The following SYT14 variants were observed in gnomAD, a reference collection of about 807,000 sequenced individuals.
SYT14 encodes synaptotagmin-14.
In SYT14, 32 loss-of-function variants were observed where a neutral mutation model predicts 74.2. That is an observed-to-expected ratio of 0.43 (90% CI 0.33 to 0.58). The LOEUF (loss-of-function observed/expected upper bound fraction) is 0.58. SYT14 is among the 20% of genes least tolerant of loss of function. SYT14 has a pLI of 0.05. For missense variants in SYT14, 791 were observed against 981.8 expected (o/e 0.81, Z 2.60); for synonymous variants, 298 against 337.7 (o/e 0.88, Z 1.29).
intron 7 of SYT14, among the ~76,000 whole-genome samples, chr1:210,119,927 C>T (rs537506022): frequency 2.0e-5 from 3 of 152,216 alleles, no homozygotes; most frequent in South Asian, 2.1e-4. Context: ...ATATTAGTTG[C>T]GTCTCTGAGA....
At chr1:210,170,360 T>C (rs958759164) in exon 10 of SYT14, 3 of 152,138 alleles carry the variant, frequency 2.0e-5, no homozygotes, top group Admixed American at 2.0e-4. Flanking sequence ...GAAAATGTGC[T>C]GTGTGTTGCA....
chr1:210,169,212 GTTTTTGGTGTTTT>G, exon 10 of SYT14: 1 of 50,780 alleles, frequency 2.0e-5, no homozygotes, highest in Non-Finnish European at 4.6e-5. Flanking sequence ...TGGTTTTTAT[GTTTTTGGTGTTTT>G]TTTTTTTTTT....
chr1:210,135,555 C>T (rs1451261669), intron 7 of SYT14, among the ~76,000 whole-genome samples: 1 of 152,140 alleles, frequency 6.6e-6, no homozygotes, highest in African/African-American at 2.4e-5. Context: ...CAAATTCTAT[C>T]ATCTGTTTAG....
chr1:209,956,315 TTC>T lies in SYT14; in HGVS notation c.-486+3565_-486+3566del, dbSNP rs761068908. Reference sequence around the variant, plus strand: ...TGACTCAAACAGGATAGAGGTTTTTTTCTCTCTTTTGTGAAGTTTAAATCAGG... The same window carrying T: ...TGACTCAAACAGGATAGAGGTTTTTTTCTCTTTTGTGAAGTTTAAATCAGG... On this transcript the variant is annotated intron_variant, in intron 2 of 9. Transcript: ENST00000637265. Among the ~76,000 whole-genome samples, 11 of 152,216 alleles carry T rather than the reference TTC, an allele frequency of 7.2e-5. No individual in the cohort carries two copies. The East Asian group carries it at 1.9e-3, about 27-fold the overall frequency.
chr1:209,940,377 T>C (rs2078709871), intron 1 of SYT14, among the ~76,000 whole-genome samples: 1 of 152,106 alleles, frequency 6.6e-6, no homozygotes, highest in Non-Finnish European at 1.5e-5. Context: ...CTTTTTTTTT[T>C]TTGTACAATA....
intron 7 of SYT14, among the ~76,000 whole-genome samples, chr1:210,133,611 A>C (rs1000887517): frequency 6.6e-6 from 1 of 152,126 alleles, no homozygotes; most frequent in Non-Finnish European, 1.5e-5. Flanking sequence ...ATATTTTATT[A>C]ATATATTCAC....
chr1:210,045,083 T>A (rs947561815), intron 5 of SYT14, among the ~76,000 whole-genome samples: 7 of 152,220 alleles, frequency 4.6e-5, no homozygotes, highest in Non-Finnish European at 8.8e-5. Flanking sequence ...TTATTAATAA[T>A]AATATATCTA....
chr1:210,008,163 A>G (rs958488152), intron 2 of SYT14, among the ~76,000 whole-genome samples: 15 of 152,294 alleles, frequency 9.8e-5, no homozygotes, highest in African/African-American at 3.6e-4. Flanking sequence ...CTGTTAAATA[A>G]TAAGCACTTT....
intron 9 of SYT14, 34 bp from the exon 9 acceptor site, chr1:210,160,695 G>T: frequency 1.9e-6 from 3 of 1,588,316 alleles, no homozygotes; most frequent in South Asian, 1.1e-5. Flanking sequence ...TGTTTCAAAT[G>T]ATATTTGTGA....
intron 2 of SYT14, among the ~76,000 whole-genome samples, chr1:209,991,690 C>T (rs778758063): frequency 6.6e-6 from 1 of 152,124 alleles, no homozygotes; most frequent in Non-Finnish European, 1.5e-5. Flanking sequence ...ATTAGCTGGG[C>T]GTGGTGGTGT....
At chr1:210,094,132 A>G (rs954940393) in intron 5 of SYT14, among the ~76,000 whole-genome samples, 190 bp from the exon 5 acceptor site, 1 of 152,204 alleles carries the variant, frequency 6.6e-6, no homozygotes, top group Non-Finnish European at 1.5e-5. Flanking sequence ...GCAGGAGGCA[A>G]GGAGTGGGAA....
chr1:210,001,531 C>G (rs1455970237), intron 2 of SYT14, among the ~76,000 whole-genome samples: 1 of 152,020 alleles, frequency 6.6e-6, no homozygotes, highest in African/African-American at 2.4e-5. Context: ...AGCAATCTAT[C>G]CCAAATATCA....
chr1:210,096,545 C>G (rs1027815731), intron 6 of SYT14, among the ~76,000 whole-genome samples: 13 of 152,196 alleles, frequency 8.5e-5, no homozygotes, highest in African/African-American at 3.1e-4. Flanking sequence ...ATGCAGTGCC[C>G]ATACATCCTG....
exon 10 of SYT14, chr1:210,161,120 T>C (rs913794036): frequency 2.7e-5 from 40 of 1,464,094 alleles, no homozygotes; most frequent in Non-Finnish European, 3.6e-5. Flanking sequence ...CCAAGTCCCA[T>C]TAGAAGAGCT....
intron 4 of SYT14, among the ~76,000 whole-genome samples, chr1:210,019,851 T>C (rs758538946): frequency 6.6e-6 from 1 of 152,220 alleles, no homozygotes; most frequent in Non-Finnish European, 1.5e-5. Flanking sequence ...CTAAGAAAGT[T>C]ACACCATTGT....
At chr1:210,041,887 A>G (rs1485658623) in intron 5 of SYT14, among the ~76,000 whole-genome samples, 2 of 152,032 alleles carry the variant, frequency 1.3e-5, no homozygotes, top group Non-Finnish European at 2.9e-5. Context: ...AGGTAGATAG[A>G]GTCTTGTCTG....
chr1:209,950,237 C>G (rs909209833), intron 1 of SYT14, among the ~76,000 whole-genome samples: 4 of 152,028 alleles, frequency 2.6e-5, no homozygotes, highest in African/African-American at 9.7e-5. Context: ...GAGAATAAGC[C>G]TTAATATGTA....
chr1:210,152,613 C>A (rs1393017229), intron 7 of SYT14, among the ~76,000 whole-genome samples: 3 of 151,998 alleles, frequency 2.0e-5, no homozygotes, highest in Non-Finnish European at 4.4e-5. Context: ...AGTGTGCAAC[C>A]CATTTATCAC....
chr1:210,027,095 T>C lies in SYT14; in HGVS notation c.1312+5841T>C, dbSNP rs534954619. Among the ~76,000 whole-genome samples, 32 of 152,332 alleles carry C rather than the reference T, an allele frequency of 2.1e-4. No homozygotes were observed. In the East Asian group the frequency reaches 6.0e-3, roughly 28 times the overall value. On this transcript the variant is annotated intron_variant, in intron 5 of 9. Transcript: ENST00000637265. ...GATAGCCAGCTGTTGACTGGAAGCC[T>C]TTATTGATAATATTAAGTCAATTAA... is the stretch of plus-strand genomic sequence containing the variant.
Sources: allele counts gnomAD v4.1 joint callset (sites outside exome capture counted in the v4.1 genomes callset), GRCh38; gene constraint gnomAD v4.1.1; transcripts MANE v1.5; gene names NCBI Gene and HGNC (gene_info 2026-07-23, HGNC 2026-07-21).